Variants in RBFOX2 observed in about 807,000 individuals in gnomAD.
RBFOX2 encodes the protein RNA binding fox-1 homolog 2.
In RBFOX2, 10 loss-of-function variants were observed where a neutral mutation model predicts 49.1. The ratio of observed to expected loss-of-function variants is 0.20; its 90% confidence interval spans 0.13 to 0.35. The LOEUF (loss-of-function observed/expected upper bound fraction) is 0.35. Among genes scored for constraint, RBFOX2 ranks in the 10% least tolerant of loss-of-function variants. The probability of loss-of-function intolerance (pLI) is 1.00; values close to 1 mark genes in which losing one functional copy is unlikely to be tolerated. For synonymous variants in RBFOX2, 183 were observed against 187.4 expected (o/e 0.98, Z 0.19); for missense variants, 323 against 486.9 (o/e 0.66, Z 3.17).
At chr22:35,832,600 A>C (rs1330908578) in intron 1 of RBFOX2, among the ~76,000 whole-genome samples, 2 of 152,106 alleles carry the variant, frequency 1.3e-5, no homozygotes, top group Non-Finnish European at 2.9e-5. Context: ...TGGGATGCAG[A>C]GGCAGGCAGA....
chr22:35,984,479 A>G (rs761383202), intron 1 of RBFOX2, among the ~76,000 whole-genome samples: 6 of 152,208 alleles, frequency 3.9e-5, no homozygotes, highest in Non-Finnish European at 7.3e-5. Context: ...CATTGGAACC[A>G]TACCCTTGTT....
chr22:35,890,342 T>C (rs1424901867), intron 1 of RBFOX2, among the ~76,000 whole-genome samples: 2 of 152,110 alleles, frequency 1.3e-5, no homozygotes, highest in African/African-American at 4.8e-5. Flanking sequence ...GCCTGAAACT[T>C]TGGGTAGTAC....
intron 1 of RBFOX2, among the ~76,000 whole-genome samples, chr22:35,877,667 C>T (rs2045315328): frequency 6.6e-6 from 1 of 152,126 alleles, no homozygotes; most frequent in South Asian, 2.1e-4. Flanking sequence ...GGTAACTTAT[C>T]CAATGTCATT....
At chr22:35,976,963 C>CAA (rs199582145) in intron 1 of RBFOX2, among the ~76,000 whole-genome samples, 3 of 59,542 alleles carry the variant, frequency 5.0e-5, no homozygotes, top group African/African-American at 1.3e-4. Context: ...GACTCCGTCT[C>CAA]AAAAAAAAAA....
In RBFOX2 at chr22:35,886,045, A is replaced by G. The variant is rs549186956; in HGVS notation, c.-34+52802T>C. Among the ~76,000 whole-genome samples, 7 of 151,560 alleles carry G rather than the reference A, an allele frequency of 4.6e-5. No individual in the cohort carries two copies. The South Asian group carries it at 1.5e-3, about 32-fold the overall frequency. On this transcript the variant is annotated intron_variant, in intron 1 of 13. Transcript: ENST00000359369. ...CTAATTTTTTGTATTTTTAGTAGAG[A>G]CGGGGTTTCACCATGTTAGCCAGGA...
At chr22:36,011,079 T>C (rs2058804346) in intron 1 of RBFOX2, among the ~76,000 whole-genome samples, 2 of 152,198 alleles carry the variant, frequency 1.3e-5, no homozygotes, top group African/African-American at 4.8e-5. Flanking sequence ...ATACAAGATG[T>C]CATCATGAAT....
chr22:35,948,711 TA>T (rs1176121613), intron 1 of RBFOX2, among the ~76,000 whole-genome samples: 1 of 152,106 alleles, frequency 6.6e-6, no homozygotes, highest in East Asian at 1.9e-4. Flanking sequence ...ATTAAAATTT[TA>T]AAAATAAAGT....
At chr22:35,809,677 A>C in intron 2 of RBFOX2, 103 bp downstream of exon 3, 1 of 1,261,848 alleles carries the variant, frequency 7.9e-7, no homozygotes, top group Non-Finnish European at 1.1e-6. Context: ...AACAGGTGTA[A>C]ATGCTAAATT....
intron 1 of RBFOX2, among the ~76,000 whole-genome samples, chr22:35,902,845 C>T (rs1021668620): frequency 1.3e-5 from 2 of 150,804 alleles, no homozygotes; most frequent in South Asian, 2.1e-4. Flanking sequence ...AGAGAAGGGG[C>T]GGGTCTCACT....
At chr22:35,878,501 C>T (rs898775785) in intron 1 of RBFOX2, among the ~76,000 whole-genome samples, 1 of 152,110 alleles carries the variant, frequency 6.6e-6, no homozygotes, top group African/African-American at 2.4e-5. Context: ...ACCTCCTGGG[C>T]TCAAGCAATC....
intron 1 of RBFOX2, among the ~76,000 whole-genome samples, chr22:35,913,422 AAAT>A (rs897952929): frequency 2.0e-5 from 3 of 151,914 alleles, no homozygotes; most frequent in Non-Finnish European, 4.4e-5. Flanking sequence ...ACAAGCAAAA[AAAT>A]AAAGCTCTTT....
At chr22:35,768,602 T>A (rs1291449680) in intron 4 of RBFOX2, among the ~76,000 whole-genome samples, 2 of 152,154 alleles carry the variant, frequency 1.3e-5, no homozygotes, top group East Asian at 1.9e-4. Flanking sequence ...ATAAAGCATA[T>A]GAGGCCAGAC....
intron 1 of RBFOX2, among the ~76,000 whole-genome samples, chr22:35,822,226 G>A (rs1254474866): frequency 6.6e-6 from 1 of 152,076 alleles, no homozygotes; most frequent in East Asian, 1.9e-4. Flanking sequence ...CTACTTTTTG[G>A]GAGCATCTCC....
At chr22:35,904,356 T>C (rs2048901436) in intron 1 of RBFOX2, among the ~76,000 whole-genome samples, 1 of 152,212 alleles carries the variant, frequency 6.6e-6, no homozygotes, top group African/African-American at 2.4e-5. Context: ...TAATGTTTTG[T>C]GTATGTCAGA....
intron 1 of RBFOX2, among the ~76,000 whole-genome samples, chr22:35,859,424 C>T (rs1417214581): frequency 1.3e-5 from 2 of 152,134 alleles, no homozygotes; most frequent in African/African-American, 2.4e-5. Context: ...TAAAAATATC[C>T]ATGGAAGAGT....
intron 1 of RBFOX2, among the ~76,000 whole-genome samples, chr22:35,815,089 C>T (rs940208788): frequency 1.3e-5 from 2 of 152,202 alleles, no homozygotes; most frequent in African/African-American, 4.8e-5. Context: ...GTTCAATCAT[C>T]ACCTACCGAC....
upstream of RBFOX2, among the ~76,000 whole-genome samples, chr22:35,840,873 C>T (rs967466043): frequency 2.0e-5 from 3 of 152,106 alleles, no homozygotes; most frequent in Admixed American, 2.0e-4. Context: ...TTTATAGATG[C>T]AGTGGATTTA....
chr22:35,949,272 C>T (rs11914250), intron 1 of RBFOX2, among the ~76,000 whole-genome samples: 11,564 of 152,160 alleles, frequency 0.076, 454 homozygotes, highest in South Asian at 0.086. Context: ...ACATTTTGTC[C>T]ATCCATTCAT....
At chr22:35,967,587 A>T (rs2149992026) in intron 1 of RBFOX2, among the ~76,000 whole-genome samples, 1 of 152,300 alleles carries the variant, frequency 6.6e-6, no homozygotes, top group Middle Eastern at 3.4e-3. Flanking sequence ...ATGTTTCCTA[A>T]CCTAAGTGAA....
Sources: gnomAD v4.1 joint callset for allele counts (sites outside exome capture counted in the v4.1 genomes callset) on GRCh38, gnomAD v4.1.1 for gene constraint, MANE v1.5 for transcripts, NCBI Gene and HGNC (gene_info 2026-07-23, HGNC 2026-07-21) for gene names.